KCNJ3: variants seen among roughly 807,000 people sequenced by gnomAD.
KCNJ3 encodes the protein G protein-activated inward rectifier potassium channel 1.
In KCNJ3, 4 loss-of-function variants were observed where a neutral mutation model predicts 39.2. That is an observed-to-expected ratio of 0.10 (90% CI 0.05 to 0.23). The LOEUF (loss-of-function observed/expected upper bound fraction) is 0.23, where lower values mean the gene tolerates loss of function less well. KCNJ3 is among the 10% of genes least tolerant of loss of function. The pLI is 1.00. For synonymous variants in KCNJ3, 230 were observed against 237.4 expected (o/e 0.97, Z 0.29); for missense variants, 276 against 634.9 (o/e 0.43, Z 6.08).
intron 2 of KCNJ3, among the ~76,000 whole-genome samples, chr2:154,748,620 C>CTCATATGATAGTATGA (rs1685786149): frequency 6.6e-6 from 1 of 151,880 alleles, no homozygotes; most frequent in African/African-American, 2.4e-5. Flanking sequence ...TATGAGTGAA[C>CTCATATGATAGTATGA]TGAACACTAT....
At chr2:154,789,944 A>T (rs1418437317) in intron 2 of KCNJ3, among the ~76,000 whole-genome samples, 1 of 152,130 alleles carries the variant, frequency 6.6e-6, no homozygotes, top group African/African-American at 2.4e-5. Flanking sequence ...TAATAGGAAT[A>T]TGATGTATAA....
chr2:154,842,295 G>T (rs1687589535), intron 2 of KCNJ3, among the ~76,000 whole-genome samples: 1 of 152,190 alleles, frequency 6.6e-6, no homozygotes, highest in Non-Finnish European at 1.5e-5. Flanking sequence ...TTGCACTGTG[G>T]TCTGAGAGAC....
At chr2:154,756,726 G>A (rs1013685001) in intron 2 of KCNJ3, among the ~76,000 whole-genome samples, 5 of 151,872 alleles carry the variant, frequency 3.3e-5, no homozygotes, top group East Asian at 1.9e-4. Flanking sequence ...AGACCTGCAC[G>A]TCCTGCACAT....
intron 2 of KCNJ3, among the ~76,000 whole-genome samples, chr2:154,763,235 T>TA (rs1245020130): frequency 6.6e-6 from 1 of 152,198 alleles, no homozygotes; most frequent in Non-Finnish European, 1.5e-5. Context: ...TGTCTGTGTC[T>TA]ACCTAATAAG....
chr2:154,840,771 C>T (rs1009525534), intron 2 of KCNJ3, among the ~76,000 whole-genome samples: 2 of 152,080 alleles, frequency 1.3e-5, no homozygotes, highest in African/African-American at 4.8e-5. Flanking sequence ...GTGATTTTTG[C>T]ACATTGATTT....
intron 2 of KCNJ3, among the ~76,000 whole-genome samples, chr2:154,817,941 A>G (rs561441914): frequency 1.3e-4 from 19 of 149,402 alleles, no homozygotes; most frequent in Middle Eastern, 3.4e-3. Flanking sequence ...TGTCATATTT[A>G]TTAATCAAAT....
intron 2 of KCNJ3, among the ~76,000 whole-genome samples, chr2:154,776,213 G>T (rs559456077): frequency 1.3e-5 from 2 of 152,130 alleles, no homozygotes; most frequent in South Asian, 4.1e-4. Context: ...TGTTGGGCAG[G>T]CTGGTCTCGA....
intron 2 of KCNJ3, among the ~76,000 whole-genome samples, chr2:154,840,743 T>C (rs1687560285): frequency 6.6e-6 from 1 of 152,200 alleles, no homozygotes. Context: ...GGTCTGTTAT[T>C]AGTGTATAGA....
At chr2:154,786,999 G>A (rs1686541296) in intron 2 of KCNJ3, among the ~76,000 whole-genome samples, 1 of 151,998 alleles carries the variant, frequency 6.6e-6, no homozygotes. Context: ...GTATGAAGTG[G>A]GAATATGCTG....
At chr2:154,832,072 C>T (rs1179210050) in intron 2 of KCNJ3, among the ~76,000 whole-genome samples, 1 of 152,046 alleles carries the variant, frequency 6.6e-6, no homozygotes, top group Non-Finnish European at 1.5e-5. Context: ...TTAGAATTAA[C>T]AGAGTGAGAA....
intron 2 of KCNJ3, among the ~76,000 whole-genome samples, chr2:154,784,271 A>T (rs181542611): frequency 7.4e-4 from 112 of 152,370 alleles, no homozygotes; most frequent in African/African-American, 2.4e-3. Flanking sequence ...AGCTGAAAAG[A>T]TCTTTGCGTT....
chr2:154,704,240 G>T (rs934793938), intron 1 of KCNJ3, among the ~76,000 whole-genome samples: 1 of 152,000 alleles, frequency 6.6e-6, no homozygotes, highest in Admixed American at 6.6e-5. Context: ...GAAATTAGGG[G>T]CATAAAGAGC....
At chr2:154,767,641 A>T (rs941264735) in intron 2 of KCNJ3, among the ~76,000 whole-genome samples, 4 of 152,234 alleles carry the variant, frequency 2.6e-5, no homozygotes, top group African/African-American at 9.6e-5. Flanking sequence ...GTGCCACAAT[A>T]AACATACGTG....
chr2:154,765,137 A>G (rs1296261856), intron 2 of KCNJ3, among the ~76,000 whole-genome samples: 1 of 152,192 alleles, frequency 6.6e-6, no homozygotes, highest in Non-Finnish European at 1.5e-5. Context: ...TAGTGGCTGT[A>G]GCATTCTCCA....
At chr2:154,755,784 CAAAT>C (rs1685926970) in intron 2 of KCNJ3, among the ~76,000 whole-genome samples, 1 of 151,824 alleles carries the variant, frequency 6.6e-6, no homozygotes, top group Non-Finnish European at 1.5e-5. Flanking sequence ...GAAAATGTAA[CAAAT>C]AATTCCATCT....
At chr2:154,783,288 T>A (rs2105204948) in intron 2 of KCNJ3, among the ~76,000 whole-genome samples, 1 of 152,336 alleles carries the variant, frequency 6.6e-6, no homozygotes, top group South Asian at 2.1e-4. Context: ...TTAAAAAATT[T>A]GTATGTGCTT....
At chr2:154,787,088 A>C (rs1303227314) in intron 2 of KCNJ3, among the ~76,000 whole-genome samples, 2 of 152,218 alleles carry the variant, frequency 1.3e-5, no homozygotes, top group African/African-American at 2.4e-5. Context: ...AAAGGGTGTA[A>C]ATTTAAAAGT....
chr2:154,717,870 C>T (rs551038371), intron 2 of KCNJ3, among the ~76,000 whole-genome samples: 4 of 152,278 alleles, frequency 2.6e-5, no homozygotes, highest in African/African-American at 7.2e-5. Flanking sequence ...AAGACAGGAT[C>T]AGCAAACTAC....
intron 2 of KCNJ3, among the ~76,000 whole-genome samples, chr2:154,821,635 ATTTTTTTTT>A (rs71422263): frequency 2.3e-5 from 2 of 88,072 alleles, no homozygotes; most frequent in Admixed American, 1.7e-4. Context: ...AGAATATGTG[ATTTTTTTTT>A]TTTTTTTTTT....
Sources: gnomAD v4.1 joint callset for allele counts (sites outside exome capture counted in the v4.1 genomes callset) on GRCh38, gnomAD v4.1.1 for gene constraint, MANE v1.5 for transcripts, NCBI Gene and HGNC (gene_info 2026-07-23, HGNC 2026-07-21) for gene names.